The following NACC2 variants were observed in gnomAD, a reference collection of about 807,000 sequenced individuals.
NACC2 encodes nucleus accumbens-associated protein 2.
A neutral mutation model predicts 25.1 loss-of-function variants in NACC2; 8 were observed. That is an observed-to-expected ratio of 0.32 (90% CI 0.19 to 0.57). The LOEUF is 0.57. NACC2 is among the 20% of genes least tolerant of loss of function. The pLI is 0.89. For missense variants in NACC2, 644 were observed against 650.2 expected, an observed-to-expected ratio of 0.99 and a Z score of 0.10; for synonymous variants, 435 against 294.7, an observed-to-expected ratio of 1.48 and a Z score of -4.88.
chr9:136,064,771 A>T (rs765350783), intron 1 of NACC2, among the ~76,000 whole-genome samples: 3 of 152,206 alleles, frequency 2.0e-5, no homozygotes, highest in Admixed American at 1.3e-4. Flanking sequence ...AAACAATATT[A>T]AAAAAGAGGA....
intron 5 of NACC2, among the ~76,000 whole-genome samples, chr9:136,012,674 CT>C (rs1215522421): frequency 5.5e-5 from 4 of 72,318 alleles, no homozygotes; most frequent in African/African-American, 1.9e-4. Flanking sequence ...TTTTTTTTTT[CT>C]TTTTTTTAGG....
chr9:136,032,636 T>C (rs1214343071), intron 2 of NACC2, among the ~76,000 whole-genome samples: 1 of 152,160 alleles, frequency 6.6e-6, no homozygotes, highest in African/African-American at 2.4e-5. Flanking sequence ...GTGGCTCACG[T>C]AGGTAATCCC....
rs1385262938 is a variant in NACC2 at position 136,020,195 on chromosome 9, T to C, written c.887-3766A>G. Reference sequence around the variant, plus strand: ...AATAACAACGCTCAGAAAGAACAAATGAACGAACGTCAGAAGGAGGGGGCC... The same window carrying C: ...AATAACAACGCTCAGAAAGAACAAACGAACGAACGTCAGAAGGAGGGGGCC... On this transcript the variant is annotated intron_variant, in intron 2 of 5. Coordinates refer to ENST00000277554, the MANE Select transcript of NACC2 (RefSeq NM_144653.5). The surrounding 1 kb of genome is among the most constrained non-coding windows in gnomAD (Gnocchi z 4.7). Among the ~76,000 whole-genome samples, 1 of 151,948 alleles carries C rather than the reference T, an allele frequency of 6.6e-6. No individual in the cohort carries two copies. Among genetic ancestry groups the C allele is most frequent in the Non-Finnish European group, 1.5e-5 (1 of 67,982 alleles).
intron 1 of NACC2, among the ~76,000 whole-genome samples, chr9:136,053,630 G>A (rs1840881486): frequency 6.6e-6 from 1 of 152,182 alleles, no homozygotes; most frequent in African/African-American, 2.4e-5. Context: ...CAAGAGAGGG[G>A]CCTGTGCAAC....
At position 136,019,524 on chromosome 9, in the gene NACC2, C is replaced by T; in HGVS notation, c.887-3095G>A. ...AAGAAACTCAGGTGCCAGGACGGTG[C>T]CCTCCAAACCTCTCAGCATGGTGAC... On this transcript the variant is annotated intron_variant, in intron 2 of 5. Transcript: ENST00000277554. The surrounding 1 kb of genome is among the most constrained non-coding windows in gnomAD (Gnocchi z 5.2). 1 of 152,424 alleles carries T rather than the reference C, an allele frequency of 6.6e-6. No homozygotes were observed. Among genetic ancestry groups the T allele is most frequent in the Non-Finnish European group, 1.5e-5 (1 of 68,090 alleles). The allele number at this position is 152,424 out of a possible 1,614,324, so 9.4% of individuals were successfully genotyped here.
chr9:136,049,621 AC>A lies in NACC2; in HGVS notation c.886+14del. 1.3e-6 allele frequency: 1 copy of A among 769,020 alleles called. No homozygotes were observed. The allele number at this position is 769,020 out of a possible 1,614,324, so 47.6% of individuals were successfully genotyped here. On this transcript the variant is annotated intron_variant, in intron 2 of 5. Coordinates refer to ENST00000277554, the MANE Select transcript of NACC2 (RefSeq NM_144653.5). ...TCCCAGCCAGGTGGTGTGGGGCTCC[AC>A]CCCGCCGCGTTACCTGCATAGCTGC...
At chr9:136,051,756 G>A (rs1383395068) in intron 1 of NACC2, among the ~76,000 whole-genome samples, 6 of 152,190 alleles carry the variant, frequency 3.9e-5, no homozygotes, top group Non-Finnish European at 8.8e-5. Context: ...GCCGCCGGCC[G>A]GCACTGCCCG....
Position 136,086,680 on chromosome 9 carries a change from GACA to G in NACC2, c.-60+8506_-60+8508del, listed in dbSNP as rs1368409558. 6.6e-6 allele frequency among the ~76,000 whole-genome samples: 1 copy of G among 152,192 alleles called. No homozygotes were observed. The highest frequency in any genetic ancestry group is 1.5e-5 in the Non-Finnish European group (1 of 68,034). ...TTCCCAAACTTACATAACCGCAGAT[GACA>G]ACGCCGACTCCTAGGAAAACCCTCC... On this transcript the variant is annotated intron_variant, in intron 1 of 5. Coordinates refer to ENST00000277554, the MANE Select transcript of NACC2 (RefSeq NM_144653.5). This position sits in a 1 kb window ranked among gnomAD's most constrained non-coding sequence, Gnocchi z 5.6.
At chr9:136,023,759 G>T (rs558174715) in intron 2 of NACC2, among the ~76,000 whole-genome samples, 2 of 152,368 alleles carry the variant, frequency 1.3e-5, no homozygotes, top group South Asian at 4.1e-4. Context: ...CCAGCCATAG[G>T]CACAGGTTGA....
At chr9:136,045,412 T>TCACGGGCCCAC (rs1588569482) in intron 2 of NACC2, among the ~76,000 whole-genome samples, 1 of 152,040 alleles carries the variant, frequency 6.6e-6, no homozygotes, top group Non-Finnish European at 1.5e-5. Flanking sequence ...AGGGTTACCG[T>TCACGGGCCCAC]GGAAGTGTGC....
intron 2 of NACC2, among the ~76,000 whole-genome samples, chr9:136,041,823 C>T (rs1840637198): frequency 1.3e-5 from 2 of 152,142 alleles, no homozygotes; most frequent in Non-Finnish European, 2.9e-5. Context: ...GGGGAAATTA[C>T]AGTGGCAAGA....
At chr9:136,092,115 A>G (rs894247142) in intron 1 of NACC2, among the ~76,000 whole-genome samples, 5 of 151,858 alleles carry the variant, frequency 3.3e-5, no homozygotes, top group Admixed American at 2.0e-4. Context: ...TGGGGAGACA[A>G]GAGTAGAGAA....
chr9:136,093,330 A>AT (rs1224866980), intron 1 of NACC2, among the ~76,000 whole-genome samples: 1 of 152,128 alleles, frequency 6.6e-6, no homozygotes, highest in African/African-American at 2.4e-5. Context: ...GGATTGAAGA[A>AT]TTTTTTAAAA....
rs769083696 is a variant in NACC2, at chr9:136,011,977, C to T, written c.1303G>A (p.Val435Met). The change falls in exon 6 of 6, where the codon GTG becomes ATG. Residue 435 changes from valine (V) to methionine (M), a missense_variant. Transcript: ENST00000277554. ...TTGGTGCACATGTCCGCGGCGATCACGTTCATCTCGCTCTCCTTGAAGCTG... is the reference window on the plus strand; with the variant it reads ...TTGGTGCACATGTCCGCGGCGATCATGTTCATCTCGCTCTCCTTGAAGCTG... ...APSFKESEMN[V>M]IAADMCTNAR... 2.5e-6 allele frequency: 4 copies of T among 1,604,866 alleles called. No individual in the cohort carries two copies. Among genetic ancestry groups the T allele is most frequent in the Non-Finnish European group, 3.4e-6 (4 of 1,177,030 alleles).
intron 2 of NACC2, among the ~76,000 whole-genome samples, chr9:136,040,810 A>T (rs1464439850): frequency 1.3e-5 from 2 of 152,028 alleles, no homozygotes; most frequent in Non-Finnish European, 2.9e-5. Flanking sequence ...AACGCAAAAA[A>T]ATTAGCCGGG....
chr9:136,074,326 G>A (rs1321335610), intron 1 of NACC2, among the ~76,000 whole-genome samples: 5 of 146,800 alleles, frequency 3.4e-5, no homozygotes, highest in East Asian at 2.0e-4. Flanking sequence ...GGTGGTGGGC[G>A]CCTGTAGTCC....
chr9:136,013,746 C>A lies in NACC2; in HGVS notation c.1157+118G>T. ...GGGGCCGACCGGCCACGGCTGAAGT[C>A]AGGAATGCGAGAGGGCTTTCAATGC... On this transcript the variant is annotated intron_variant, in intron 4 of 5. Coordinates refer to ENST00000277554, the MANE Select transcript of NACC2 (RefSeq NM_144653.5). The surrounding 1 kb of genome is among the most constrained non-coding windows in gnomAD (Gnocchi z 6.6). 1.1e-6 allele frequency: 1 copy of A among 889,146 alleles called. No homozygotes were observed. The highest frequency in any genetic ancestry group is 1.7e-6 in the Non-Finnish European group (1 of 587,444). The allele number at this position is 889,146 out of a possible 1,614,324, so 55.1% of individuals were successfully genotyped here. A position where few individuals can be genotyped will look rare whatever the true frequency, so the allele number is the denominator to read the frequency against.
chr9:136,063,469 C>T (rs1364961731), intron 1 of NACC2, among the ~76,000 whole-genome samples: 1 of 152,226 alleles, frequency 6.6e-6, no homozygotes, highest in African/African-American at 2.4e-5. Flanking sequence ...TTACGTTTGA[C>T]CTGTGGCCGA....
chr9:136,066,797 T>C (rs911143577), intron 1 of NACC2, among the ~76,000 whole-genome samples: 3 of 151,912 alleles, frequency 2.0e-5, no homozygotes, highest in Non-Finnish European at 2.9e-5. Flanking sequence ...CATTCAGCAA[T>C]GATAGGAATG....
Sources: gnomAD v4.1 joint callset for allele counts (sites outside exome capture counted in the v4.1 genomes callset) on GRCh38, gnomAD v4.1.1 for gene constraint, Gnocchi (gnomAD v3.1) non-coding constraint, MANE v1.5 for transcripts, NCBI Gene and HGNC (gene_info 2026-07-23, HGNC 2026-07-21) for gene names.